NCAM2: variants seen among roughly 807,000 people sequenced by gnomAD.
The protein encoded by NCAM2 is N-CAM-2.
A neutral mutation model predicts 98.1 loss-of-function variants in NCAM2; 30 were observed. That is an observed-to-expected ratio of 0.31 (90% CI 0.23 to 0.41). NCAM2 has a LOEUF of 0.41. Among genes scored for constraint, NCAM2 ranks in the 10% least tolerant of loss-of-function variants. The pLI, the probability that NCAM2 is intolerant of heterozygous loss-of-function variation, is 1.00. For synonymous variants in NCAM2, 368 were observed against 342.4 expected (o/e 1.07, Z -0.83); for missense variants, 867 against 1,005.8 (o/e 0.86, Z 1.87).
chr21:21,521,395 A>G (rs180965513), intron 16 of NCAM2, among the ~76,000 whole-genome samples: 86 of 152,294 alleles, frequency 5.6e-4, no homozygotes, highest in African/African-American at 2.0e-3. Flanking sequence ...AAAAATTACA[A>G]GGAGTACTGA....
intron 1 of NCAM2, among the ~76,000 whole-genome samples, chr21:21,060,090 A>G (rs531083896): frequency 6.6e-6 from 1 of 152,072 alleles, no homozygotes; most frequent in Non-Finnish European, 1.5e-5. Flanking sequence ...TTGCGTTTGT[A>G]CATGCTTGAC....
chr21:21,228,595 A>G (rs1008401539), intron 1 of NCAM2, among the ~76,000 whole-genome samples: 2 of 151,582 alleles, frequency 1.3e-5, no homozygotes, highest in African/African-American at 4.8e-5. Flanking sequence ...AATATTAAAT[A>G]TTTCAAAATT....
chr21:21,144,192 A>C (rs1274337124), intron 1 of NCAM2, among the ~76,000 whole-genome samples: 1 of 151,850 alleles, frequency 6.6e-6, no homozygotes, highest in Non-Finnish European at 1.5e-5. Flanking sequence ...CACTAAAAAT[A>C]TAAAAAATTA....
At chr21:21,366,336 T>C (rs1221031886) in intron 8 of NCAM2, among the ~76,000 whole-genome samples, 1 of 152,078 alleles carries the variant, frequency 6.6e-6, no homozygotes, top group Non-Finnish European at 1.5e-5. Flanking sequence ...TTGTCTGTAA[T>C]TTGAACTAGA....
chr21:21,528,707 C>G (rs1327392624), intron 16 of NCAM2, among the ~76,000 whole-genome samples: 1 of 152,102 alleles, frequency 6.6e-6, no homozygotes, highest in African/African-American at 2.4e-5. Flanking sequence ...GGTTTACCTT[C>G]TAGTAGACAT....
chr21:21,247,618 A>T (rs1397462513), intron 1 of NCAM2, among the ~76,000 whole-genome samples: 1 of 152,166 alleles, frequency 6.6e-6, no homozygotes, highest in Non-Finnish European at 1.5e-5. Context: ...GTCACCCTGT[A>T]ATCACATTGT....
At chr21:21,509,095 C>T (rs760789049) in intron 16 of NCAM2, 40 bp downstream of exon 16, 9 of 1,602,252 alleles carry the variant, frequency 5.6e-6, no homozygotes, top group South Asian at 5.5e-5. Flanking sequence ...ATTAAACAAG[C>T]GCCACAGTCA....
chr21:21,438,811 G>A (rs998993931), intron 12 of NCAM2, among the ~76,000 whole-genome samples: 1 of 151,920 alleles, frequency 6.6e-6, no homozygotes, highest in African/African-American at 2.4e-5. Flanking sequence ...GGCCAGGCAT[G>A]GTGGCTCACG....
intron 5 of NCAM2, among the ~76,000 whole-genome samples, chr21:21,316,750 G>T (rs998580512): frequency 6.6e-6 from 1 of 151,740 alleles, no homozygotes; most frequent in African/African-American, 2.4e-5. Flanking sequence ...CACCTTCTTG[G>T]CCAGGCTGGT....
intron 15 of NCAM2, among the ~76,000 whole-genome samples, chr21:21,491,985 G>GT (rs1483377932): frequency 6.6e-6 from 1 of 151,378 alleles, no homozygotes; most frequent in Non-Finnish European, 1.5e-5. Flanking sequence ...CAAATGGAGG[G>GT]TATCTTGGAA....
At chr21:21,524,197 T>G (rs981409397) in intron 16 of NCAM2, among the ~76,000 whole-genome samples, 1 of 151,898 alleles carries the variant, frequency 6.6e-6, no homozygotes, top group African/African-American at 2.4e-5. Context: ...GTTATCAGGT[T>G]TCTAAACGGG....
chr21:21,192,180 A>G lies in NCAM2; in HGVS notation c.56-88398A>G, dbSNP rs1306875609. Among the ~76,000 whole-genome samples, 3 of 152,228 alleles carry G rather than the reference A, an allele frequency of 2.0e-5. No homozygotes were observed. The South Asian group carries it at 6.2e-4, about 32-fold the overall frequency. On this transcript the variant is annotated intron_variant, in intron 1 of 17. Coordinates refer to ENST00000400546, the MANE Select transcript of NCAM2 (RefSeq NM_004540.5). ...AGAGGTTGTGGTGAGCCAAGATTGC[A>G]CCATTGCATTCCGGCTTGGGCAGCA...
intron 1 of NCAM2, among the ~76,000 whole-genome samples, chr21:21,275,221 A>G (rs1451288155): frequency 2.0e-5 from 3 of 151,852 alleles, no homozygotes; most frequent in Non-Finnish European, 4.4e-5. Context: ...CGGGTGGATC[A>G]CCAGGTCAGG....
chr21:21,395,320 C>G (rs1268550016), intron 9 of NCAM2, among the ~76,000 whole-genome samples: 3 of 151,772 alleles, frequency 2.0e-5, no homozygotes, highest in Non-Finnish European at 4.4e-5. Context: ...ACAGCCGGGA[C>G]AGCAGAGCAA....
intron 1 of NCAM2, among the ~76,000 whole-genome samples, chr21:21,016,586 A>G (rs1032724531): frequency 1.3e-5 from 2 of 152,136 alleles, no homozygotes; most frequent in African/African-American, 4.8e-5. Flanking sequence ...AAAGAAAACT[A>G]TGCATTGTGC....
intron 6 of NCAM2, 60 bp from the exon 7 acceptor site, chr21:21,335,445 T>A: frequency 7.0e-7 from 1 of 1,427,242 alleles, no homozygotes; most frequent in South Asian, 1.5e-5. Flanking sequence ...AAAAGTTGAT[T>A]AAAATCTACT....
At chr21:21,202,618 G>A (rs939631242) in intron 1 of NCAM2, among the ~76,000 whole-genome samples, 2 of 151,878 alleles carry the variant, frequency 1.3e-5, no homozygotes, top group Admixed American at 1.3e-4. Context: ...GTTTCACCAT[G>A]TTGGTCAGGC....
chr21:21,484,196 C>T (rs1243075514), intron 15 of NCAM2, among the ~76,000 whole-genome samples: 2 of 151,994 alleles, frequency 1.3e-5, no homozygotes, highest in Admixed American at 1.3e-4. Flanking sequence ...TCAATATTGA[C>T]CTTTGTATGT....
chr21:21,465,694 T>A lies in NCAM2; in HGVS notation c.1655-912T>A, dbSNP rs529346999. The stretch of plus-strand genomic sequence containing the variant: ...TGATTTAATCTTTTATATCTCCTAA[T>A]ATTAATTGATTATGTGACTTGGAGT... On this transcript the variant is annotated intron_variant, in intron 12 of 17. Coordinates refer to ENST00000400546, the MANE Select transcript of NCAM2 (RefSeq NM_004540.5). Among the ~76,000 whole-genome samples, 6 of 152,134 alleles carry A rather than the reference T, an allele frequency of 3.9e-5. No homozygotes were observed. The South Asian group carries it at 6.2e-4, about 16-fold the overall frequency.
Sources: gnomAD v4.1 joint callset for allele counts (sites outside exome capture counted in the v4.1 genomes callset) on GRCh38, gnomAD v4.1.1 for gene constraint, MANE v1.5 for transcripts, NCBI Gene and HGNC (gene_info 2026-07-23, HGNC 2026-07-21) for gene names.